CADM2: variants seen among roughly 807,000 people sequenced by gnomAD.
CADM2 encodes the protein cell adhesion molecule 2.
CADM2 carries 12 observed loss-of-function variants against 49.8 expected under a neutral mutation model. That is an observed-to-expected ratio of 0.24 (90% CI 0.15 to 0.39). The LOEUF (loss-of-function observed/expected upper bound fraction) is 0.39, where lower values mean the gene tolerates loss of function less well. Ranked by LOEUF, CADM2 falls within the 10% of genes least tolerant of loss-of-function variation. The pLI is 1.00. For synonymous variants in CADM2, 214 were observed against 175.4 expected (o/e 1.22, Z -1.74); for missense variants, 378 against 492.3 (o/e 0.77, Z 2.20).
chr3:85,512,864 A>G lies in CADM2; in HGVS notation c.62-213658A>G, dbSNP rs557057065. ...GAATAAACTTCTCTGTAAAAAATGA[A>G]TCAATCATTTCCCTAGGGAAAATAT... On this transcript the variant is annotated intron_variant, in intron 1 of 9. Coordinates refer to ENST00000383699, the MANE Select transcript of CADM2 (RefSeq NM_001167675.2). Among the ~76,000 whole-genome samples the G allele has an allele frequency of 3.0e-4, 45 of 152,152 alleles. No homozygotes were observed. In the South Asian group the frequency reaches 6.6e-3, roughly 22 times the overall value.
intron 1 of CADM2, among the ~76,000 whole-genome samples, chr3:85,354,135 A>G (rs947395154): frequency 6.6e-6 from 1 of 151,980 alleles, no homozygotes; most frequent in Non-Finnish European, 1.5e-5. Context: ...AATGAAATAT[A>G]GTTTTTACCT....
intron 1 of CADM2, among the ~76,000 whole-genome samples, chr3:85,058,689 C>T (rs929783210): frequency 2.0e-5 from 3 of 152,044 alleles, no homozygotes; most frequent in Non-Finnish European, 4.4e-5. Context: ...AGGTGATCTG[C>T]CCACCTCAGC....
chr3:84,972,326 C>T (rs772483618), intron 1 of CADM2, among the ~76,000 whole-genome samples: 66 of 152,316 alleles, frequency 4.3e-4, no homozygotes, highest in Middle Eastern at 3.4e-3. Context: ...TAACTGCATG[C>T]TCTTAAAATA....
intron 6 of CADM2, among the ~76,000 whole-genome samples, chr3:85,915,223 G>A (rs1020734095): frequency 6.6e-6 from 1 of 152,016 alleles, no homozygotes; most frequent in African/African-American, 2.4e-5. Flanking sequence ...ATGGAGGAAG[G>A]CAATTGAATT....
intron 1 of CADM2, among the ~76,000 whole-genome samples, chr3:85,188,318 G>T (rs921568838): frequency 2.6e-5 from 4 of 152,046 alleles, no homozygotes; most frequent in South Asian, 4.1e-4. Context: ...TCAGAAGTGT[G>T]TATATGTGAC....
chr3:85,866,681 TG>T (rs1411705899), intron 3 of CADM2, among the ~76,000 whole-genome samples: 1 of 151,668 alleles, frequency 6.6e-6, no homozygotes, highest in Non-Finnish European at 1.5e-5. Flanking sequence ...TTTATGTATT[TG>T]AAAAAAATAT....
intron 1 of CADM2, among the ~76,000 whole-genome samples, chr3:85,563,624 C>T (rs1312837897): frequency 6.6e-6 from 1 of 152,044 alleles, no homozygotes; most frequent in Non-Finnish European, 1.5e-5. Flanking sequence ...TGGTAGTTAT[C>T]ATTTTCCTGA....
intron 2 of CADM2, among the ~76,000 whole-genome samples, chr3:85,792,592 C>T (rs1402448698): frequency 2.0e-5 from 3 of 152,290 alleles, no homozygotes; most frequent in African/African-American, 7.2e-5. Flanking sequence ...AGGTATATCT[C>T]GGGTGATTAT....
intron 1 of CADM2, among the ~76,000 whole-genome samples, chr3:85,231,078 G>T (rs956459106): frequency 1.3e-5 from 2 of 151,404 alleles, no homozygotes; most frequent in Non-Finnish European, 2.9e-5. Flanking sequence ...CCTGCATATT[G>T]TCTGTGTCCT....
At chr3:85,412,249 C>T (rs979128353) in intron 1 of CADM2, among the ~76,000 whole-genome samples, 2 of 152,064 alleles carry the variant, frequency 1.3e-5, no homozygotes, top group African/African-American at 4.8e-5. Flanking sequence ...ATTTACTTAC[C>T]TCTCAAATGG....
intron 5 of CADM2, among the ~76,000 whole-genome samples, chr3:85,902,453 T>TA (rs956039115): frequency 2.0e-5 from 3 of 151,876 alleles, no homozygotes; most frequent in Non-Finnish European, 2.9e-5. Context: ...TTTTATCATT[T>TA]AAAAAAATAC....
chr3:85,190,017 A>C (rs1258461850), intron 1 of CADM2, among the ~76,000 whole-genome samples: 1 of 141,494 alleles, frequency 7.1e-6, no homozygotes, highest in African/African-American at 2.7e-5. Context: ...TTCCCTCAGG[A>C]GCAACAGAGT....
chr3:85,182,491 T>C (rs906874638), intron 1 of CADM2, among the ~76,000 whole-genome samples: 12 of 151,988 alleles, frequency 7.9e-5, no homozygotes, highest in Admixed American at 3.9e-4. Context: ...CAATCCCAAA[T>C]TGAGGGACAT....
intron 1 of CADM2, among the ~76,000 whole-genome samples, chr3:85,170,128 C>A (rs2040580473): frequency 6.6e-6 from 1 of 152,092 alleles, no homozygotes; most frequent in South Asian, 2.1e-4. Context: ...ACACTACAAC[C>A]TTTTATTCAG....
chr3:85,583,066 G>A (rs1251033658), intron 1 of CADM2, among the ~76,000 whole-genome samples: 1 of 152,100 alleles, frequency 6.6e-6, no homozygotes, highest in Non-Finnish European at 1.5e-5. Context: ...TGTTGGTGGG[G>A]ATTTTTAATT....
intron 1 of CADM2, among the ~76,000 whole-genome samples, chr3:85,021,724 G>A (rs1348917494): frequency 1.3e-5 from 2 of 152,036 alleles, no homozygotes; most frequent in South Asian, 2.1e-4. Flanking sequence ...GCAGTGAGCC[G>A]AGATCATGCC....
intron 1 of CADM2, among the ~76,000 whole-genome samples, chr3:85,575,468 G>A (rs534079508): frequency 5.9e-5 from 9 of 152,254 alleles, no homozygotes; most frequent in South Asian, 2.1e-4. Flanking sequence ...GGAGAATGGC[G>A]TGAACCCTGG....
chr3:85,129,915 T>C (rs903625084), intron 1 of CADM2, among the ~76,000 whole-genome samples: 4 of 152,136 alleles, frequency 2.6e-5, no homozygotes, highest in South Asian at 2.1e-4. Context: ...ACTAGGAGAT[T>C]TATGGGGAAA....
At chr3:85,928,284 G>A (rs1223787393) in intron 6 of CADM2, among the ~76,000 whole-genome samples, 2 of 151,486 alleles carry the variant, frequency 1.3e-5, no homozygotes, top group Admixed American at 1.3e-4. Flanking sequence ...TCAGCCTCTC[G>A]AGTAGCTGGG....
Sources: allele counts gnomAD v4.1 joint callset (sites outside exome capture counted in the v4.1 genomes callset), GRCh38; gene constraint gnomAD v4.1.1; transcripts MANE v1.5; gene names NCBI Gene and HGNC (gene_info 2026-07-23, HGNC 2026-07-21).